The following CACNB2 variants were observed in gnomAD, a reference collection of about 807,000 sequenced individuals.
CACNB2 encodes voltage-dependent L-type calcium channel subunit beta-2.
Under a neutral mutation model 73.3 loss-of-function variants are expected in CACNB2, and 42 were observed. The ratio of observed to expected loss-of-function variants is 0.57; its 90% CI spans 0.45 to 0.74. The LOEUF (loss-of-function observed/expected upper bound fraction) is 0.74. CACNB2 is among the 30% of genes least tolerant of loss of function. The probability of loss-of-function intolerance (pLI) is 0.00; values close to 1 mark genes in which losing one functional copy is unlikely to be tolerated. For missense variants in CACNB2, 940 were observed against 853.0 expected, an observed-to-expected ratio of 1.10 and a Z score of -1.27; for synonymous variants, 348 against 310.3, an observed-to-expected ratio of 1.12 and a Z score of -1.28.
At chr10:18,413,619 G>C (rs2044761793) in intron 3 of CACNB2, among the ~76,000 whole-genome samples, 1 of 152,134 alleles carries the variant, frequency 6.6e-6, no homozygotes, top group Admixed American at 6.5e-5. Flanking sequence ...CTTTTCCTGG[G>C]AATTATCAGA....
In CACNB2 at chr10:18,430,735, T is replaced by C. The variant is rs548740810; in HGVS notation, c.333+28692T>C. ...TGTCCTGTGATCTGTGTTGCTCTGA[T>C]ACATTCCTAAAAAGAAACTATTAAG... On this transcript the variant is annotated intron_variant, in intron 3 of 13. Transcript: ENST00000324631. Among the ~76,000 whole-genome samples, 5 of 152,342 alleles carry C rather than the reference T, an allele frequency of 3.3e-5. No homozygotes were observed. In the South Asian group the frequency reaches 1.0e-3, roughly 32 times the overall value.
chr10:18,459,888 C>T (rs1474981859), intron 3 of CACNB2, among the ~76,000 whole-genome samples: 1 of 152,120 alleles, frequency 6.6e-6, no homozygotes, highest in African/African-American at 2.4e-5. Flanking sequence ...ATCTCAGCTA[C>T]TCGGGAGGCT....
chr10:18,178,229 C>T lies in CACNB2; in HGVS notation c.213+27254C>T, dbSNP rs549264330. Among the ~76,000 whole-genome samples, 3 of 152,150 alleles carry T rather than the reference C, an allele frequency of 2.0e-5. No individual in the cohort carries two copies. The South Asian group carries it at 6.2e-4, about 32-fold the overall frequency. ...AGCCTGTAGGGATTGGGGACTTTAC[C>T]GTTGAAATGAGCCTTTTCTTTTTCT... On this transcript the variant is annotated intron_variant, in intron 2 of 13. Coordinates refer to ENST00000324631, the MANE Select transcript of CACNB2 (RefSeq NM_201596.3).
chr10:18,270,750 C>G (rs1212045792), intron 2 of CACNB2, among the ~76,000 whole-genome samples: 1 of 152,166 alleles, frequency 6.6e-6, no homozygotes, highest in Admixed American at 6.6e-5. Context: ...TATCATAACA[C>G]TTACCCTACC....
chr10:18,288,787 A>G (rs1465781078), intron 2 of CACNB2, among the ~76,000 whole-genome samples: 2 of 152,032 alleles, frequency 1.3e-5, no homozygotes, highest in Non-Finnish European at 2.9e-5. Flanking sequence ...CCTCACACCT[A>G]TAATCCCAGC....
intron 2 of CACNB2, chr10:18,261,204 G>C: frequency 6.5e-7 from 1 of 1,549,838 alleles, no homozygotes; most frequent in Non-Finnish European, 8.7e-7. Flanking sequence ...CCGAGGCTGT[G>C]ACGAGAAGAC....
Position 18,536,214 on chromosome 10 carries a change from A to ACAG in CACNB2, c.1302+21_1302+23dup. The ACAG allele has an allele frequency of 4.5e-6, 5 of 1,117,656 alleles. No individual in the cohort carries two copies. Among genetic ancestry groups the ACAG allele is most frequent in the Non-Finnish European group, 6.8e-6 (5 of 739,318 alleles). 69.2% of individuals were successfully genotyped at this position (1,117,656 alleles called of 1,614,324 possible). On this transcript the variant is annotated intron_variant, in intron 12 of 13. Transcript: ENST00000324631. ...GTCCTCCAGTAAGTTATCTCTATATACAGCATAATCCAGTTACAGAGATCA... is the reference window on the plus strand; with the variant it reads ...GTCCTCCAGTAAGTTATCTCTATATACAGCAGCATAATCCAGTTACAGAGATCA...
At chr10:18,533,937 G>C in intron 10 of CACNB2, 139 bp from the exon 11 acceptor site, 1 of 748,838 alleles carries the variant, frequency 1.3e-6, no homozygotes, top group Non-Finnish European at 2.2e-6. Flanking sequence ...AATTACTGTT[G>C]TAAATTTTTA....
intron 2 of CACNB2, among the ~76,000 whole-genome samples, chr10:18,364,373 T>A (rs1460246666): frequency 2.0e-5 from 3 of 151,716 alleles, no homozygotes; most frequent in Admixed American, 2.0e-4. Flanking sequence ...AGATCTCGGC[T>A]CATTGTAACT....
chr10:18,410,616 A>G (rs556977045), intron 3 of CACNB2, among the ~76,000 whole-genome samples: 2 of 152,352 alleles, frequency 1.3e-5, no homozygotes, highest in Admixed American at 6.5e-5. Context: ...TCTTAAACCT[A>G]CAAGATAGAC....
At chr10:18,365,050 G>T (rs561406093) in intron 2 of CACNB2, among the ~76,000 whole-genome samples, 2 of 152,178 alleles carry the variant, frequency 1.3e-5, no homozygotes, top group Non-Finnish European at 2.9e-5. Flanking sequence ...ATCTACTTGG[G>T]TTAAGGATGA....
chr10:18,372,646 A>G (rs1267675777), intron 2 of CACNB2, among the ~76,000 whole-genome samples: 3 of 152,220 alleles, frequency 2.0e-5, no homozygotes, highest in Non-Finnish European at 1.5e-5. Flanking sequence ...ACCTCAGGTC[A>G]TCCACCCGCC....
At chr10:18,463,607 T>G (rs1230000455) in intron 3 of CACNB2, among the ~76,000 whole-genome samples, 2 of 150,928 alleles carry the variant, frequency 1.3e-5, no homozygotes, top group African/African-American at 2.4e-5. Context: ...TGTTTTTTGT[T>G]TTTTTTTTGT....
At chr10:18,493,338 T>C (rs2049575951) in intron 3 of CACNB2, among the ~76,000 whole-genome samples, 1 of 152,158 alleles carries the variant, frequency 6.6e-6, no homozygotes, top group South Asian at 2.1e-4. Flanking sequence ...TGGCTAATTT[T>C]TGTATTTTTA....
At chr10:18,350,300 A>G (rs550919085) in intron 2 of CACNB2, among the ~76,000 whole-genome samples, 13 of 152,214 alleles carry the variant, frequency 8.5e-5, no homozygotes, top group Admixed American at 2.0e-4. Context: ...ATAACAACCC[A>G]GTGAAGTAGA....
intron 3 of CACNB2, among the ~76,000 whole-genome samples, chr10:18,497,222 A>AG (rs796105720): frequency 4.8e-4 from 72 of 151,342 alleles, no homozygotes; most frequent in African/African-American, 1.7e-3. Flanking sequence ...AAAAAAAAAA[A>AG]AAGAAAAGAA....
In CACNB2 at chr10:18,534,230, A is replaced by T. The variant is rs200174877; in HGVS notation, c.1206+3A>T. 190 of 1,608,442 alleles carry T rather than the reference A, an allele frequency of 1.2e-4. No individual in the cohort carries two copies. The highest frequency in any genetic ancestry group is 3.3e-4 in the Middle Eastern group (2 of 6,068). On this transcript the variant is annotated splice_donor_region_variant and intron_variant, in intron 11 of 13. Transcript: ENST00000324631. ...ATGTAAAGATTTCTTCTCCTAAGGT[A>T]AGTAGGACTGCTACTGTTTGCTCTA...
intron 3 of CACNB2, among the ~76,000 whole-genome samples, chr10:18,492,436 C>T (rs1343013205): frequency 6.6e-6 from 1 of 152,062 alleles, no homozygotes. Flanking sequence ...GTATGGCCAA[C>T]ACGGCAAAAC....
At chr10:18,430,919 C>G (rs2045859476) in intron 3 of CACNB2, among the ~76,000 whole-genome samples, 1 of 152,120 alleles carries the variant, frequency 6.6e-6, no homozygotes, top group African/African-American at 2.4e-5. Flanking sequence ...ATATTTGGGT[C>G]TGGTCAGATG....
Sources: gnomAD v4.1 joint callset for allele counts (sites outside exome capture counted in the v4.1 genomes callset) on GRCh38, gnomAD v4.1.1 for gene constraint, MANE v1.5 for transcripts, NCBI Gene and HGNC (gene_info 2026-07-23, HGNC 2026-07-21) for gene names.